Variants in CCDC178 observed in about 807,000 individuals in gnomAD.
The protein encoded by CCDC178 is coiled-coil domain containing 178.
In CCDC178, 126 loss-of-function variants were observed where a neutral mutation model predicts 117.4. The observed-to-expected ratio is 1.07, with a 90% CI of 0.93 to 1.24. CCDC178 has a LOEUF of 1.24. Among genes scored for constraint, CCDC178 ranks in the 50% most tolerant of loss-of-function variants. CCDC178 has a pLI of 0.00. For synonymous variants in CCDC178, 283 were observed against 313.4 expected, an observed-to-expected ratio of 0.90 and a Z score of 1.02; for missense variants, 1,030 against 986.9, an observed-to-expected ratio of 1.04 and a Z score of -0.59.
intron 3 of CCDC178, among the ~76,000 whole-genome samples, chr18:33,408,497 T>C (rs1007307504): frequency 1.3e-5 from 2 of 151,870 alleles, no homozygotes; most frequent in Non-Finnish European, 2.9e-5. Context: ...TATATAGAAC[T>C]GTATATGTAT....
At chr18:33,137,627 C>T (rs1373495388) in intron 20 of CCDC178, among the ~76,000 whole-genome samples, 2 of 152,142 alleles carry the variant, frequency 1.3e-5, no homozygotes, top group South Asian at 4.1e-4. Context: ...CAATTATTTC[C>T]AGGCATCAAC....
At chr18:33,377,659 T>C (rs2063383408) in intron 5 of CCDC178, among the ~76,000 whole-genome samples, 1 of 152,222 alleles carries the variant, frequency 6.6e-6, no homozygotes, top group Non-Finnish European at 1.5e-5. Context: ...TTCAATCTTC[T>C]GCCTATGGCT....
At chr18:32,977,213 C>T (rs1332344571) in intron 21 of CCDC178, among the ~76,000 whole-genome samples, 10 of 152,056 alleles carry the variant, frequency 6.6e-5, no homozygotes, top group Middle Eastern at 3.2e-3. Flanking sequence ...TATTCAATTC[C>T]GTCTAACTTA....
At chr18:33,039,909 C>G (rs1253287718) in intron 21 of CCDC178, among the ~76,000 whole-genome samples, 1 of 151,888 alleles carries the variant, frequency 6.6e-6, no homozygotes, top group Admixed American at 6.6e-5. Context: ...ATTCATCCCA[C>G]AGGATCGACT....
chr18:33,055,771 T>C (rs778645156), intron 21 of CCDC178, among the ~76,000 whole-genome samples: 7 of 151,860 alleles, frequency 4.6e-5, no homozygotes, highest in Non-Finnish European at 7.4e-5. Context: ...ATGCAACTAC[T>C]ATAGGGATAG....
In CCDC178 at chr18:33,323,939, A is replaced by G. The variant is rs1054565366; in HGVS notation, c.880-306T>C. On this transcript the variant is annotated intron_variant, in intron 10 of 22. Coordinates refer to ENST00000383096, the MANE Select transcript of CCDC178 (RefSeq NM_001105528.4). ...ACTTTATTATTTAAAAAATCAGAAAACAAAGATGAAATATCGCAAACAAAG... is the reference window on the plus strand; with the variant it reads ...ACTTTATTATTTAAAAAATCAGAAAGCAAAGATGAAATATCGCAAACAAAG... 2.8e-4 allele frequency among the ~76,000 whole-genome samples: 43 copies of G among 151,860 alleles called. 1 individual carries two copies. Among genetic ancestry groups the G allele is most frequent in the Admixed American group, 2.7e-3 (41 of 15,256 alleles).
chr18:33,037,516 T>C (rs1228596293), intron 21 of CCDC178, among the ~76,000 whole-genome samples: 1 of 152,032 alleles, frequency 6.6e-6, no homozygotes, highest in Non-Finnish European at 1.5e-5. Flanking sequence ...TTTTCTACCG[T>C]AGTTGACTAG....
At chr18:33,256,289 G>A (rs1459539392) in intron 14 of CCDC178, among the ~76,000 whole-genome samples, 2 of 150,224 alleles carry the variant, frequency 1.3e-5, no homozygotes, top group East Asian at 4.0e-4. Flanking sequence ...AAAAAGATAA[G>A]GAAGAAAAAA....
intron 3 of CCDC178, among the ~76,000 whole-genome samples, chr18:33,398,214 T>G (rs2063665467): frequency 6.6e-6 from 1 of 151,964 alleles, no homozygotes; most frequent in Non-Finnish European, 1.5e-5. Flanking sequence ...AAGAAATAAA[T>G]GTCTAGATCA....
chr18:33,221,837 AAAGCTGACCTT>A (rs1479091285), intron 18 of CCDC178, among the ~76,000 whole-genome samples: 1 of 152,110 alleles, frequency 6.6e-6, no homozygotes, highest in Non-Finnish European at 1.5e-5. Context: ...ATGAATAGAA[AAAGCTGACCTT>A]AATTGGCTAA....
intron 4 of CCDC178, among the ~76,000 whole-genome samples, chr18:33,395,144 G>T (rs953468395): frequency 6.6e-6 from 1 of 150,736 alleles, no homozygotes; most frequent in Non-Finnish European, 1.5e-5. Flanking sequence ...TTGATGACTT[G>T]TAAGTTTTAG....
Position 33,406,700 on chromosome 18 carries a change from A to G in CCDC178, c.58+5331T>C, listed in dbSNP as rs115906309. On this transcript the variant is annotated intron_variant, in intron 3 of 22. Transcript: ENST00000383096. ...TTCATAGGTCTAAATAATATATGTC[A>G]AAAATAAATCAAAACCAATTAAATC... Among the ~76,000 whole-genome samples, 1,228 of 152,268 alleles carry G rather than the reference A, an allele frequency of 8.1e-3. 15 individuals are homozygous for G. The highest frequency in any genetic ancestry group is 0.028 in the African/African-American group (1,178 of 41,566).
At chr18:33,013,685 G>A (rs898744103) in intron 21 of CCDC178, among the ~76,000 whole-genome samples, 2 of 152,128 alleles carry the variant, frequency 1.3e-5, no homozygotes, top group Non-Finnish European at 2.9e-5. Context: ...AGCTTTGAAA[G>A]GGATAATTTC....
intron 2 of CCDC178, among the ~76,000 whole-genome samples, chr18:33,424,226 A>G (rs1201695710): frequency 6.6e-6 from 1 of 152,242 alleles, no homozygotes; most frequent in African/African-American, 2.4e-5. Flanking sequence ...AATATTAGTT[A>G]GAAGTCTACA....
chr18:33,305,132 C>T (rs910331372), intron 11 of CCDC178, among the ~76,000 whole-genome samples: 2 of 152,164 alleles, frequency 1.3e-5, no homozygotes, highest in African/African-American at 4.8e-5. Context: ...ACTGGTGACC[C>T]AGCATCTGAA....
intron 7 of CCDC178, 151 bp downstream of exon 7, chr18:33,356,173 C>T: frequency 1.3e-6 from 1 of 757,262 alleles, no homozygotes; most frequent in Non-Finnish European, 1.9e-6. Context: ...TGTCCTCATT[C>T]TTATATTTTA....
chr18:33,151,328 A>G (rs2058339354), intron 20 of CCDC178, among the ~76,000 whole-genome samples: 1 of 152,186 alleles, frequency 6.6e-6, no homozygotes, highest in South Asian at 2.1e-4. Flanking sequence ...AAAAAAATAC[A>G]TATCTACAGT....
At chr18:33,124,586 C>G (rs1234028664) in intron 20 of CCDC178, among the ~76,000 whole-genome samples, 4 of 152,074 alleles carry the variant, frequency 2.6e-5, no homozygotes. Context: ...TAGCTTTTTC[C>G]CTTTTTAATC....
At chr18:33,028,211 T>C (rs1049821011) in intron 21 of CCDC178, among the ~76,000 whole-genome samples, 12 of 151,664 alleles carry the variant, frequency 7.9e-5, no homozygotes, top group African/African-American at 2.7e-4. Context: ...ATTCTTAGAA[T>C]AGATTAATAA....
Sources: gnomAD v4.1 joint callset for allele counts (sites outside exome capture counted in the v4.1 genomes callset) on GRCh38, gnomAD v4.1.1 for gene constraint, MANE v1.5 for transcripts, NCBI Gene and HGNC (gene_info 2026-07-23, HGNC 2026-07-21) for gene names.